Variants in PRICKLE2 observed in about 807,000 individuals in gnomAD.
PRICKLE2 encodes prickle-like protein 2.
Under a neutral mutation model 81.4 loss-of-function variants are expected in PRICKLE2, and 21 were observed. The observed-to-expected ratio is 0.26, with a 90% CI of 0.18 to 0.37. The LOEUF (loss-of-function observed/expected upper bound fraction) is 0.37, where lower values mean the gene tolerates loss of function less well. PRICKLE2 is among the 10% of genes least tolerant of loss of function. The pLI is 1.00. For missense variants in PRICKLE2, 940 were observed against 1,109.0 expected, an observed-to-expected ratio of 0.85 and a Z score of 2.16; for synonymous variants, 456 against 421.5, an observed-to-expected ratio of 1.08 and a Z score of -1.00.
chr3:64,126,802 T>C (rs1316266632), intron 7 of PRICKLE2, among the ~76,000 whole-genome samples: 1 of 152,082 alleles, frequency 6.6e-6, no homozygotes, highest in East Asian at 1.9e-4. Flanking sequence ...GGTCTCGAAC[T>C]CCTGGCATTG....
At chr3:64,189,386 C>T (rs1321490619) in intron 2 of PRICKLE2, among the ~76,000 whole-genome samples, 1 of 152,186 alleles carries the variant, frequency 6.6e-6, no homozygotes, top group African/African-American at 2.4e-5. Context: ...CTGTGTGACT[C>T]ATGCTGTTCC....
chr3:64,219,370 A>G (rs1047432081), intron 1 of PRICKLE2, among the ~76,000 whole-genome samples: 3 of 152,222 alleles, frequency 2.0e-5, no homozygotes, highest in African/African-American at 7.2e-5. Context: ...CTGGCGATCA[A>G]GAGCAACAAG....
intron 2 of PRICKLE2, among the ~76,000 whole-genome samples, chr3:64,240,185 T>A (rs1024944578): frequency 1.6e-4 from 25 of 152,026 alleles, no homozygotes; most frequent in Admixed American, 1.6e-3. Flanking sequence ...TAGGATTGAG[T>A]CGAATGTGAT....
At chr3:64,209,549 C>T (rs976420275) in intron 1 of PRICKLE2, among the ~76,000 whole-genome samples, 3 of 152,282 alleles carry the variant, frequency 2.0e-5, no homozygotes, top group Non-Finnish European at 2.9e-5. Flanking sequence ...CATCCATCCA[C>T]CCATCTATCC....
chr3:64,207,752 T>C (rs2078715149), intron 1 of PRICKLE2, among the ~76,000 whole-genome samples: 1 of 152,142 alleles, frequency 6.6e-6, no homozygotes, highest in Non-Finnish European at 1.5e-5. Context: ...GACAACCAGA[T>C]TTCACTAGCT....
chr3:64,221,751 T>C (rs1239344708), intron 1 of PRICKLE2, among the ~76,000 whole-genome samples: 1 of 152,142 alleles, frequency 6.6e-6, no homozygotes, highest in Non-Finnish European at 1.5e-5. Context: ...ACAGAGCCTT[T>C]TGACTCTTGT....
chr3:64,258,742 C>T (rs528083926), intron 2 of PRICKLE2, among the ~76,000 whole-genome samples: 28 of 145,008 alleles, frequency 1.9e-4, no homozygotes, highest in East Asian at 8.4e-4. Flanking sequence ...GAGAATGGCA[C>T]GAACCCGGGA....
At chr3:64,208,909 T>C (rs186409004) in intron 1 of PRICKLE2, among the ~76,000 whole-genome samples, 1 of 152,274 alleles carries the variant, frequency 6.6e-6, no homozygotes, top group African/African-American at 2.4e-5. Context: ...TCCATCCATC[T>C]ACCTGTCCAT....
At chr3:64,150,036 G>C (rs948112115) in intron 6 of PRICKLE2, among the ~76,000 whole-genome samples, 1 of 143,056 alleles carries the variant, frequency 7.0e-6, no homozygotes, top group South Asian at 2.2e-4. Context: ...CTCCCCAGCA[G>C]AGTGAGAAAT....
In PRICKLE2 at chr3:64,220,007, A is replaced by G. The variant is rs114476710; in HGVS notation, c.-41+4903T>C. Among the ~76,000 whole-genome samples, 61 of 152,364 alleles carry G rather than the reference A, an allele frequency of 4.0e-4. 1 individual carries two copies. Among genetic ancestry groups the G allele is most frequent in the Non-Finnish European group, 6.5e-4 (44 of 68,036 alleles). ...ACACTCAGTAGGCGCTCAGTCTGTG[A>G]CAGTTATCATACATCCACATCAACA... On this transcript the variant is annotated intron_variant, in intron 1 of 7. Transcript: ENST00000638394.
At chr3:64,247,757 G>C (rs2079379325) in intron 2 of PRICKLE2, among the ~76,000 whole-genome samples, 1 of 152,180 alleles carries the variant, frequency 6.6e-6, no homozygotes, top group Non-Finnish European at 1.5e-5. Context: ...AATGCACTGA[G>C]ATTCAAAGAC....
In PRICKLE2 at chr3:64,174,601, G is replaced by A. The variant is rs148873321; in HGVS notation, c.145-11472C>T. 603 of 169,366 alleles carry A rather than the reference G, an allele frequency of 3.6e-3. 6 individuals are homozygous for A. Among genetic ancestry groups the A allele is most frequent in the Non-Finnish European group, 5.0e-3 (365 of 73,528 alleles). 10.5% of individuals were successfully genotyped at this position (169,366 alleles called of 1,614,324 possible). ...CACTTGCTGTCACCCTATTTTAAAG[G>A]TACAGCCTTTGTCAATGCAGAGTTC... On this transcript the variant is annotated intron_variant, in intron 2 of 7. Transcript: ENST00000638394.
At chr3:64,131,383 A>G (rs1479503284) in intron 7 of PRICKLE2, among the ~76,000 whole-genome samples, 2 of 152,246 alleles carry the variant, frequency 1.3e-5, no homozygotes, top group African/African-American at 4.8e-5. Flanking sequence ...ACAACTGCTC[A>G]GTCTTTCTTC....
chr3:64,228,316 T>C (rs1370191153), upstream of PRICKLE2, among the ~76,000 whole-genome samples: 1 of 152,126 alleles, frequency 6.6e-6, no homozygotes, highest in Non-Finnish European at 1.5e-5. Context: ...GCAGGAGGCA[T>C]GCAGAGTCCT....
intron 7 of PRICKLE2, among the ~76,000 whole-genome samples, chr3:64,123,326 A>C (rs1173938679): frequency 1.3e-5 from 2 of 152,234 alleles, no homozygotes; most frequent in African/African-American, 4.8e-5. Context: ...AACAAGGTAC[A>C]AGTTGAGTAT....
intron 6 of PRICKLE2, among the ~76,000 whole-genome samples, chr3:64,148,442 T>C (rs374462059): frequency 1.8e-4 from 28 of 152,368 alleles, no homozygotes; most frequent in East Asian, 1.7e-3. Context: ...ATTGAGTTTC[T>C]ACAGCATCTC....
intron 3 of PRICKLE2, among the ~76,000 whole-genome samples, chr3:64,161,715 T>TA (rs10715000): frequency 0.013 from 1,542 of 118,014 alleles, 15 homozygotes; most frequent in Middle Eastern, 0.019. Flanking sequence ...TAAAAAGAGT[T>TA]AAAAAAAAAA....
At chr3:64,267,698 G>C (rs1039851236) in intron 2 of PRICKLE2, among the ~76,000 whole-genome samples, 11 of 152,302 alleles carry the variant, frequency 7.2e-5, no homozygotes, top group African/African-American at 2.6e-4. Context: ...TGCGCGAAAG[G>C]TGGCTGACAC....
At chr3:64,220,848 A>C (rs1427387941) in intron 1 of PRICKLE2, among the ~76,000 whole-genome samples, 1 of 152,158 alleles carries the variant, frequency 6.6e-6, no homozygotes, top group Non-Finnish European at 1.5e-5. Context: ...ATAGCCAAAC[A>C]TGCGCTAAAG....
Sources: allele counts gnomAD v4.1 joint callset (sites outside exome capture counted in the v4.1 genomes callset), GRCh38; gene constraint gnomAD v4.1.1; transcripts MANE v1.5; gene names NCBI Gene and HGNC (gene_info 2026-07-23, HGNC 2026-07-21).